Variants in BTBD8 observed in about 807,000 individuals in gnomAD.
BTBD8 encodes the protein BTB/POZ domain-containing protein 8.
In BTBD8, 110 loss-of-function variants were observed where a neutral mutation model predicts 162.9. The observed-to-expected ratio is 0.68, with a 90% CI of 0.58 to 0.79. The LOEUF (loss-of-function observed/expected upper bound fraction) is 0.79, where lower values mean the gene tolerates loss of function less well. BTBD8 is among the 30% of genes least tolerant of loss of function. The probability of loss-of-function intolerance (pLI) is 0.00; values close to 1 mark genes in which losing one functional copy is unlikely to be tolerated. For missense variants in BTBD8, 1,905 were observed against 2,085.4 expected (o/e 0.91, Z 1.68); for synonymous variants, 667 against 716.1 (o/e 0.93, Z 1.10).
rs935357789 is a variant in BTBD8, at chr1:92,143,969, C to CTTTT, written c.930+2776_930+2779dup. On this transcript the variant is annotated intron_variant, in intron 7 of 17. Transcript: ENST00000636805. ...TATATATAATTTTGAACTTTTAGTT[C>CTTTT]TTTTTTTTTTTTTTTTTTTTTGAGT... Among the ~76,000 whole-genome samples, 176 of 103,188 alleles carry CTTTT rather than the reference C, an allele frequency of 1.7e-3. 4 individuals carry two copies. Among genetic ancestry groups the CTTTT allele is most frequent in the African/African-American group, 3.9e-3 (104 of 26,978 alleles). The allele number at this position is 103,188 out of a possible 152,430, so 67.7% of individuals were successfully genotyped here. A position where few individuals can be genotyped will look rare whatever the true frequency, so the allele number is the denominator to read the frequency against.
In BTBD8 at chr1:92,177,288, A is replaced by G. The variant is rs772168565; in HGVS notation, c.2095A>G (p.Asn699Asp). ...SGARPKVLTG[N>D]LNVQAKAKPL... The stretch of plus-strand genomic sequence containing the variant: ...TGCCAGACCCAAGGTACTCACAGGA[A>G]ACTTAAATGTGCAAGCCAAAGCAAA... The change falls in exon 14 of 18, where the codon AAC becomes GAC. Residue 699 changes from asparagine to aspartate, a missense_variant. Physicochemically the swap from Asn to Asp is conservative, Grantham distance 23 (BLOSUM62 1). Around this residue, in one of 3 missense-constraint regions of BTBD8, gnomAD observed 1,374 missense variants for 1,442.7 expected, o/e 0.95. Transcript: ENST00000636805. 4 of 1,552,094 alleles carry G rather than the reference A, an allele frequency of 2.6e-6. No individual in the cohort carries two copies. The highest frequency in any genetic ancestry group is 2.4e-5 in the South Asian group (2 of 84,058).
chr1:92,140,720 A>G (rs946151239), intron 6 of BTBD8, among the ~76,000 whole-genome samples: 2 of 152,242 alleles, frequency 1.3e-5, no homozygotes, highest in Non-Finnish European at 1.5e-5. Context: ...GACATTTTCA[A>G]TATGATCAGA....
chr1:92,081,345 A>AT (rs2101887080), intron 1 of BTBD8, among the ~76,000 whole-genome samples: 1 of 152,324 alleles, frequency 6.6e-6, no homozygotes, highest in East Asian at 1.9e-4. Context: ...TTCTCGGGTT[A>AT]TTGGGAATCC....
intron 2 of BTBD8, among the ~76,000 whole-genome samples, chr1:92,096,135 C>T (rs913812464): frequency 6.6e-6 from 1 of 151,992 alleles, no homozygotes; most frequent in African/African-American, 2.4e-5. Flanking sequence ...CCATGCCAAA[C>T]TAATTTTGTG....
At position 92,184,096 on chromosome 1, in the gene BTBD8, A is replaced by G; in HGVS notation, c.5145A>G (p.Thr1715=). 6.4e-7 allele frequency: 1 copy of G among 1,551,686 alleles called. No individual in the cohort carries two copies. Among genetic ancestry groups the G allele is most frequent in the Non-Finnish European group, 8.7e-7 (1 of 1,146,876 alleles). ...AACAGGATTCAAACTTAGATGTTACAAATTCCGTTCCTGAAGACTTAAGTT... is the reference window on the plus strand; with the variant it reads ...AACAGGATTCAAACTTAGATGTTACGAATTCCGTTCCTGAAGACTTAAGTT... ...LSEQDSNLDV[T]NSVPEDLSLA... is the part of the protein sequence containing the mutation. The change falls in exon 18 of 18, where the codon ACA becomes ACG. Residue 1715 remains threonine, a synonymous_variant. Coordinates refer to ENST00000636805, the MANE Select transcript of BTBD8 (RefSeq NM_001376131.1).
At chr1:92,119,562 A>G (rs898260229) in intron 4 of BTBD8, among the ~76,000 whole-genome samples, 1 of 151,938 alleles carries the variant, frequency 6.6e-6, no homozygotes, top group African/African-American at 2.4e-5. Flanking sequence ...CTAGGATTGC[A>G]GGTGTGAGCT....
chr1:92,141,328 A>G, intron 7 of BTBD8, 117 bp downstream of exon 7: 3 of 1,002,888 alleles, frequency 3.0e-6, no homozygotes, highest in Non-Finnish European at 2.8e-6. Context: ...AAGTAAATTT[A>G]ACTAATGAGA....
intron 4 of BTBD8, among the ~76,000 whole-genome samples, chr1:92,117,319 A>C (rs1649069916): frequency 6.7e-6 from 1 of 149,462 alleles, no homozygotes; most frequent in African/African-American, 2.5e-5. Context: ...TGAATGTTTG[A>C]ACTTTATTGT....
rs1392022204 is a variant in BTBD8, at chr1:92,167,995, G to T, written c.1443+10G>T. 6.6e-7 allele frequency: 1 copy of T among 1,523,460 alleles called. No homozygotes were observed. Among genetic ancestry groups the T allele is most frequent in the African/African-American group, 1.4e-5 (1 of 72,070 alleles). The allele number at this position is 1,523,460 out of a possible 1,614,324, so 94.4% of individuals were successfully genotyped here. A position where few individuals can be genotyped will look rare whatever the true frequency, so the allele number is the denominator to read the frequency against. On this transcript the variant is annotated intron_variant, in intron 11 of 17. Transcript: ENST00000636805. ...CAGTACAAAGGAAATGGTACTGAAT[G>T]TAATGAAATTTATTAAAATAATGCA...
intron 7 of BTBD8, among the ~76,000 whole-genome samples, chr1:92,141,511 T>A (rs1391683486): frequency 6.6e-6 from 1 of 152,158 alleles, no homozygotes; most frequent in Admixed American, 6.6e-5. Flanking sequence ...GAACTAAGGT[T>A]ACTTTCCCCA....
chr1:92,123,190 G>A (rs1649262426), intron 4 of BTBD8, among the ~76,000 whole-genome samples: 1 of 152,110 alleles, frequency 6.6e-6, no homozygotes, highest in Non-Finnish European at 1.5e-5. Context: ...TCTCAATTCT[G>A]TTCCAGTGAT....
At chr1:92,081,895 C>T (rs1648028811) in intron 1 of BTBD8, among the ~76,000 whole-genome samples, 1 of 152,108 alleles carries the variant, frequency 6.6e-6, no homozygotes, top group African/African-American at 2.4e-5. Flanking sequence ...TTTTGAAGTG[C>T]TTTCTGTCAA....
intron 9 of BTBD8, 146 bp from the exon 10 acceptor site, chr1:92,166,812 G>T: frequency 1.3e-6 from 1 of 773,368 alleles, no homozygotes; most frequent in Non-Finnish European, 2.0e-6. Flanking sequence ...AACATTATAT[G>T]TAAAACTAAT....
At chr1:92,081,630 G>A (rs1311739609) in intron 1 of BTBD8, among the ~76,000 whole-genome samples, 2 of 151,954 alleles carry the variant, frequency 1.3e-5, no homozygotes, top group African/African-American at 4.8e-5. Flanking sequence ...CTGGAGCGCC[G>A]TGGCGCGATC....
chr1:92,173,252 T>C (rs973784582), intron 13 of BTBD8, among the ~76,000 whole-genome samples: 7 of 152,220 alleles, frequency 4.6e-5, no homozygotes, highest in Non-Finnish European at 1.0e-4. Flanking sequence ...AGACCGACGA[T>C]GCATATTATA....
At chr1:92,153,107 G>A (rs915383578) in intron 9 of BTBD8, among the ~76,000 whole-genome samples, 4 of 146,610 alleles carry the variant, frequency 2.7e-5, no homozygotes, top group African/African-American at 7.6e-5. Context: ...TCTTATAATA[G>A]GTACATGCAA....
chr1:92,109,418 T>C (rs562358036), intron 4 of BTBD8, among the ~76,000 whole-genome samples: 1 of 152,298 alleles, frequency 6.6e-6, no homozygotes, highest in South Asian at 2.1e-4. Flanking sequence ...CAATATGTCC[T>C]CAAACAGTGC....
intron 1 of BTBD8, among the ~76,000 whole-genome samples, chr1:92,085,233 T>C (rs1648127252): frequency 6.6e-6 from 1 of 152,254 alleles, no homozygotes; most frequent in African/African-American, 2.4e-5. Flanking sequence ...TTATCGGCAG[T>C]GTAAATTGCT....
Position 92,167,896 on chromosome 1 carries a change from G to A in BTBD8, c.1354G>A (p.Ala452Thr), listed in dbSNP as rs2100670356. The A allele has an allele frequency of 6.4e-7, 1 of 1,550,982 alleles. No individual in the cohort carries two copies. Among genetic ancestry groups the A allele is most frequent in the Non-Finnish European group, 8.7e-7 (1 of 1,146,456 alleles). Residue 452 changes from alanine to threonine, a missense_variant, in exon 11 of 18, where the codon GCA (alanine) becomes ACA (threonine). By Grantham distance (58) the Ala-to-Thr change is moderately conservative (BLOSUM62 0). Coordinates refer to ENST00000636805, the MANE Select transcript of BTBD8 (RefSeq NM_001376131.1). The stretch of plus-strand genomic sequence containing the variant: ...CGATCTGTTGGACACAATTTTAAAA[G>A]CAATTGAAGAAAATATCACCACTGA... ...TADLLDTILK[A>T]IEENITTENS... is the part of the protein sequence containing the mutation.
Sources: gnomAD v4.1 joint callset for allele counts (sites outside exome capture counted in the v4.1 genomes callset) on GRCh38, gnomAD v4.1.1 for gene constraint, gnomAD v4.1.1 regional missense constraint, MANE v1.5 for transcripts, NCBI Gene and HGNC (gene_info 2026-07-23, HGNC 2026-07-21) for gene names.